TAFA2: variants seen among roughly 807,000 people sequenced by gnomAD.
The protein encoded by TAFA2 is chemokine-like protein TAFA-2.
In TAFA2, 7 loss-of-function variants were observed where a neutral mutation model predicts 18.8. The observed-to-expected ratio is 0.37, with a 90% CI of 0.21 to 0.70. The LOEUF (loss-of-function observed/expected upper bound fraction) is 0.70. Among genes scored for constraint, TAFA2 ranks in the 30% least tolerant of loss-of-function variants. TAFA2 has a pLI of 0.53. For missense variants in TAFA2, 122 were observed against 158.1 expected (o/e 0.77, Z 1.23); for synonymous variants, 60 against 54.2 (o/e 1.11, Z -0.47).
At chr12:61,907,189 T>C (rs1462900560) in intron 1 of TAFA2, among the ~76,000 whole-genome samples, 3 of 152,102 alleles carry the variant, frequency 2.0e-5, no homozygotes, top group Non-Finnish European at 4.4e-5. Flanking sequence ...GTGGGGAAAA[T>C]GTCTCCGGGA....
At chr12:61,861,375 G>A (rs79110009) in intron 2 of TAFA2, among the ~76,000 whole-genome samples, 36 of 150,478 alleles carry the variant, frequency 2.4e-4, no homozygotes, top group South Asian at 2.3e-3. Context: ...TCAGCCTCCC[G>A]AGTAGCTGGG....
chr12:62,230,670 C>CTTTGTTTG (rs374264583), intron 1 of TAFA2, among the ~76,000 whole-genome samples: 1 of 151,854 alleles, frequency 6.6e-6, no homozygotes, highest in Non-Finnish European at 1.5e-5. Flanking sequence ...TTTGGTTTTT[C>CTTTGTTTG]TTTGTTTGTT....
intron 1 of TAFA2, among the ~76,000 whole-genome samples, chr12:61,986,429 G>T (rs1191061188): frequency 2.0e-5 from 3 of 151,914 alleles, no homozygotes; most frequent in Non-Finnish European, 4.4e-5. Context: ...CTCCCAAAGT[G>T]CTGGTATTAT....
At chr12:61,896,525 T>C (rs1875851681) in intron 1 of TAFA2, among the ~76,000 whole-genome samples, 1 of 152,236 alleles carries the variant, frequency 6.6e-6, no homozygotes, top group African/African-American at 2.4e-5. Context: ...ACTAGGCCAC[T>C]TCAAGTGCTT....
At chr12:62,218,458 G>A (rs2062746371) in intron 1 of TAFA2, among the ~76,000 whole-genome samples, 1 of 152,068 alleles carries the variant, frequency 6.6e-6, no homozygotes, top group African/African-American at 2.4e-5. Context: ...TCAAAGTGAG[G>A]GATAATGTTA....
At position 61,923,504 on chromosome 12, in the gene TAFA2, C is replaced by A. The variant is rs192852493; in HGVS notation, c.-1-56078G>T. 3.3e-5 allele frequency among the ~76,000 whole-genome samples: 5 copies of A among 152,280 alleles called. No homozygotes were observed. The East Asian group carries it at 9.7e-4, about 29-fold the overall frequency. On this transcript the variant is annotated intron_variant, in intron 1 of 4. Transcript: ENST00000416284. Reference sequence around the variant, plus strand: ...GCAGACCTGCAGCAGAGGTGCCTGACTGCTAGAAGGAAAACTAACAAACAA... The same window carrying A: ...GCAGACCTGCAGCAGAGGTGCCTGAATGCTAGAAGGAAAACTAACAAACAA...
At chr12:61,909,463 A>G (rs1229333171) in intron 1 of TAFA2, among the ~76,000 whole-genome samples, 1 of 152,202 alleles carries the variant, frequency 6.6e-6, no homozygotes, top group Non-Finnish European at 1.5e-5. Context: ...CAGCCAGGAA[A>G]GAGTATGGTG....
intron 1 of TAFA2, among the ~76,000 whole-genome samples, chr12:61,939,375 C>T (rs553481319): frequency 6.6e-6 from 1 of 152,016 alleles, no homozygotes; most frequent in Non-Finnish European, 1.5e-5. Flanking sequence ...TAAAATCTTG[C>T]TATTTAATTT....
intron 1 of TAFA2, among the ~76,000 whole-genome samples, chr12:62,074,325 T>C (rs1267334197): frequency 1.3e-5 from 2 of 152,250 alleles, no homozygotes; most frequent in African/African-American, 4.8e-5. Context: ...ATTTCAATAC[T>C]TAATTTTGCT....
rs920780009 is a variant in TAFA2, at chr12:61,754,857, T to C, written c.259+15A>G. 8 of 1,611,842 alleles carry C rather than the reference T, an allele frequency of 5.0e-6. No homozygotes were observed. The East Asian group carries it at 6.7e-5, about 14-fold the overall frequency. On this transcript the variant is annotated intron_variant, in intron 3 of 4. Transcript: ENST00000416284. ...TTGGCTGTGCTGTTACAATAAGGAA[T>C]GGAAGAAGTCACACCATCCACACAT... is the stretch of plus-strand genomic sequence containing the variant.
At chr12:62,237,656 C>T (rs1193374098) in intron 1 of TAFA2, among the ~76,000 whole-genome samples, 2 of 152,214 alleles carry the variant, frequency 1.3e-5, no homozygotes, top group African/African-American at 2.4e-5. Flanking sequence ...TGCTATCTGG[C>T]TTGTTTTCAA....
chr12:61,871,112 G>C (rs535150863), intron 1 of TAFA2, among the ~76,000 whole-genome samples: 1 of 151,992 alleles, frequency 6.6e-6, no homozygotes, highest in African/African-American at 2.4e-5. Flanking sequence ...AAAAAGAGTC[G>C]GGGGGGCATG....
intron 4 of TAFA2, among the ~76,000 whole-genome samples, chr12:61,724,377 C>G (rs1035894664): frequency 4.0e-5 from 6 of 151,160 alleles, no homozygotes; most frequent in African/African-American, 1.5e-4. Flanking sequence ...TCTCTCCTTC[C>G]TTCCTTTCTT....
At chr12:61,932,528 C>T (rs968991615) in intron 1 of TAFA2, among the ~76,000 whole-genome samples, 9 of 152,144 alleles carry the variant, frequency 5.9e-5, no homozygotes, top group Non-Finnish European at 8.8e-5. Context: ...CAAGCTCTGC[C>T]TTCCTGTTTC....
At chr12:62,254,173 A>G (rs1366680943) in intron 1 of TAFA2, among the ~76,000 whole-genome samples, 1 of 152,168 alleles carries the variant, frequency 6.6e-6, no homozygotes. Flanking sequence ...TTATCTTATT[A>G]TTAAAATCAA....
intron 2 of TAFA2, among the ~76,000 whole-genome samples, chr12:61,843,433 A>G (rs1214181558): frequency 1.3e-5 from 2 of 152,104 alleles, no homozygotes; most frequent in East Asian, 1.9e-4. Flanking sequence ...AACACTATTT[A>G]CCATTTTACT....
chr12:62,092,740 A>T (rs548075432), intron 1 of TAFA2, among the ~76,000 whole-genome samples: 1 of 152,160 alleles, frequency 6.6e-6, no homozygotes, highest in Non-Finnish European at 1.5e-5. Flanking sequence ...CACCTACTAT[A>T]GTAGATTAGA....
intron 2 of TAFA2, among the ~76,000 whole-genome samples, chr12:61,767,175 C>A (rs943436470): frequency 1.3e-5 from 2 of 152,120 alleles, no homozygotes; most frequent in Non-Finnish European, 2.9e-5. Context: ...ATCAGAGAAG[C>A]AATGTGGCAT....
chr12:61,953,258 A>G (rs1031817744), intron 1 of TAFA2, among the ~76,000 whole-genome samples: 3 of 152,144 alleles, frequency 2.0e-5, no homozygotes, highest in African/African-American at 7.2e-5. Flanking sequence ...ACTTTGTAGT[A>G]TTATCATCCA....
Sources: gnomAD v4.1 joint callset for allele counts (sites outside exome capture counted in the v4.1 genomes callset) on GRCh38, gnomAD v4.1.1 for gene constraint, MANE v1.5 for transcripts, NCBI Gene and HGNC (gene_info 2026-07-23, HGNC 2026-07-21) for gene names.